The following PRKCZ variants were observed in gnomAD, a reference collection of about 807,000 sequenced individuals.
PRKCZ encodes protein kinase C zeta type.
A neutral mutation model predicts 79.5 loss-of-function variants in PRKCZ; 33 were observed. That is an observed-to-expected ratio of 0.41 (90% CI 0.31 to 0.55). PRKCZ has a LOEUF of 0.55. PRKCZ is among the 20% of genes least tolerant of loss of function. The pLI, the probability that PRKCZ is intolerant of heterozygous loss-of-function variation, is 0.19. For missense variants in PRKCZ, 578 were observed against 813.5 expected, an observed-to-expected ratio of 0.71 and a Z score of 3.52; for synonymous variants, 342 against 320.9, an observed-to-expected ratio of 1.07 and a Z score of -0.70.
chr1:2,151,038 C>G lies in PRKCZ; in HGVS notation c.876+60C>G. 3.8e-6 allele frequency: 6 copies of G among 1,577,874 alleles called. 1 individual carries two copies. In the Admixed American group the frequency reaches 1.1e-4, roughly 29 times the overall value. ...GGAACGCGCTGCCCTGGGGCCTCCT[C>G]CGGGCTTTAGCGGAATTAATCCATG... On this transcript the variant is annotated intron_variant, in intron 9 of 17. Transcript: ENST00000378567.
chr1:2,128,483 C>T lies in PRKCZ; in HGVS notation c.335-6779C>T, dbSNP rs886324690. Among the ~76,000 whole-genome samples the T allele has an allele frequency of 9.8e-5, 15 of 152,318 alleles. No homozygotes were observed. The highest frequency in any genetic ancestry group is 2.2e-4 in the African/African-American group (9 of 41,570). On this transcript the variant is annotated intron_variant, in intron 4 of 17. Coordinates refer to ENST00000378567, the MANE Select transcript of PRKCZ (RefSeq NM_002744.6). This position sits in a 1 kb window ranked among gnomAD's most constrained non-coding sequence, Gnocchi z 6.5. The stretch of plus-strand genomic sequence containing the variant: ...ACGTCTTGTCAGAGTGCTCAAGGCG[C>T]GAGATTGCCATGGAAACTGAGCTCC...
At position 2,108,850 on chromosome 1, in the gene PRKCZ, C is replaced by T. The variant is rs374853116; in HGVS notation, c.335-26412C>T. ...TGTTAGCTCAGCGGTCTGGAGGGTG[C>T]GAGTGCAGATGGAGCTCACTGGGCC... is the stretch of plus-strand genomic sequence containing the variant. On this transcript the variant is annotated intron_variant, in intron 4 of 17. Transcript: ENST00000378567. Among the ~76,000 whole-genome samples, 250 of 152,300 alleles carry T rather than the reference C, an allele frequency of 1.6e-3. 1 individual carries two copies. The highest frequency in any genetic ancestry group is 2.6e-3 in the Non-Finnish European group (175 of 68,016).
Position 2,127,375 on chromosome 1 carries a change from G to A in PRKCZ, c.335-7887G>A, listed in dbSNP as rs1297382793. On this transcript the variant is annotated intron_variant, in intron 4 of 17. Coordinates refer to ENST00000378567, the MANE Select transcript of PRKCZ (RefSeq NM_002744.6). The surrounding 1 kb of genome is among the most constrained non-coding windows in gnomAD (Gnocchi z 5.1). ...GCGATCCGGGCAGGTCCCTCAGATG[G>A]AGGGGCTGCACCTCCACTGCCCCCC... is the stretch of plus-strand genomic sequence containing the variant. Among the ~76,000 whole-genome samples the A allele has an allele frequency of 2.0e-5, 3 of 152,126 alleles. No individual in the cohort carries two copies. Among genetic ancestry groups the A allele is most frequent in the Admixed American group, 2.0e-4 (3 of 15,280 alleles).
Position 2,174,612 on chromosome 1 carries a change from A to G in PRKCZ, c.1406-142A>G. Reference sequence around the variant, plus strand: ...GACCCGGCGGGACTCCGGGTTATAGATATTGCTGGGCTGTAGGAAGGGAGG... The same window carrying G: ...GACCCGGCGGGACTCCGGGTTATAGGTATTGCTGGGCTGTAGGAAGGGAGG... On this transcript the variant is annotated intron_variant, in intron 14 of 17. Transcript: ENST00000378567. This position sits in a 1 kb window ranked among gnomAD's most constrained non-coding sequence, Gnocchi z 6.2. The G allele has an allele frequency of 1.3e-6, 1 of 751,624 alleles. No individual in the cohort carries two copies. Among genetic ancestry groups the G allele is most frequent in the Admixed American group, 2.4e-5 (1 of 41,716 alleles). The allele number at this position is 751,624 out of a possible 1,614,324, so 46.6% of individuals were successfully genotyped here.
At chr1:2,057,437 G>A (rs2102225366) in intron 3 of PRKCZ, among the ~76,000 whole-genome samples, 1 of 152,340 alleles carries the variant, frequency 6.6e-6, no homozygotes, top group Admixed American at 6.5e-5. Flanking sequence ...TCTGGCCATG[G>A]ACGATTGAGT....
intron 4 of PRKCZ, among the ~76,000 whole-genome samples, chr1:2,093,929 C>A (rs1384607715): frequency 1.3e-5 from 2 of 151,410 alleles, no homozygotes; most frequent in Non-Finnish European, 2.9e-5. Context: ...GCACTAAGGG[C>A]TGAGTGTGGG....
At chr1:2,121,744 C>T (rs74185849) in intron 4 of PRKCZ, among the ~76,000 whole-genome samples, 69 of 3,500 alleles carry the variant, frequency 0.02, 13 homozygotes, top group African/African-American at 0.031. Flanking sequence ...AGGGTCACGG[C>T]GGTGGTTAGG....
intron 9 of PRKCZ, among the ~76,000 whole-genome samples, chr1:2,152,320 G>T (rs1456344366): frequency 3.3e-5 from 5 of 152,094 alleles, no homozygotes; most frequent in Non-Finnish European, 5.9e-5. Context: ...ATTACCTGAG[G>T]TCAGGAGTTC....
intron 4 of PRKCZ, among the ~76,000 whole-genome samples, chr1:2,101,022 A>T (rs943827378): frequency 3.9e-5 from 3 of 76,348 alleles, no homozygotes; most frequent in African/African-American, 1.4e-4. Context: ...ATTTTGTTAA[A>T]AAAAAAAAAA....
intron 4 of PRKCZ, among the ~76,000 whole-genome samples, chr1:2,065,397 G>A (rs996243962): frequency 6.6e-6 from 1 of 152,012 alleles, no homozygotes; most frequent in African/African-American, 2.4e-5. Context: ...TGGTGTGATC[G>A]GCCGGGCGCG....
At chr1:2,064,056 A>T (rs1356474826) in intron 4 of PRKCZ, among the ~76,000 whole-genome samples, 3 of 152,084 alleles carry the variant, frequency 2.0e-5, no homozygotes, top group Admixed American at 6.5e-5. Context: ...CATCTTGGCC[A>T]GGTTAGTCTT....
At chr1:2,108,463 C>A (rs112312368) in intron 4 of PRKCZ, among the ~76,000 whole-genome samples, 13 of 152,196 alleles carry the variant, frequency 8.5e-5, no homozygotes, top group Non-Finnish European at 1.3e-4. Flanking sequence ...GGCTCCGAGG[C>A]GCCACCGCTG....
intron 3 of PRKCZ, among the ~76,000 whole-genome samples, chr1:2,057,017 C>G (rs138111892): frequency 1.3e-5 from 2 of 152,268 alleles, no homozygotes; most frequent in East Asian, 3.9e-4. Context: ...TGTGAGCCAC[C>G]GCGCCCGGCC....
Position 2,055,451 on chromosome 1 carries a change from A to G in PRKCZ, c.82A>G (p.Ile28Val). The G allele has an allele frequency of 1.9e-6, 3 of 1,612,858 alleles. No individual in the cohort carries two copies. Among genetic ancestry groups the G allele is most frequent in the Non-Finnish European group, 2.5e-6 (3 of 1,179,294 alleles). The change falls in exon 2 of 18, where the codon ATC (isoleucine) becomes GTC (valine). Residue 28 changes from isoleucine (I) to valine (V), a missense_variant. Around this residue, in one of 4 missense-constraint regions of PRKCZ, gnomAD observed 228 missense variants for 211.6 expected, o/e 1.08. Transcript: ENST00000378567. ...LKAHYGGDIF[I>V]TSVDAATTFE... ...TCCCCTCTGCCCCAGGGACATCTTC[A>G]TCACCAGCGTGGACGCCGCCACGAC...
rs553399792 is a variant in PRKCZ at position 2,125,146 on chromosome 1, CTTG to C, written c.335-10109_335-10107del. Among the ~76,000 whole-genome samples, 87 of 152,216 alleles carry C rather than the reference CTTG, an allele frequency of 5.7e-4. 2 individuals are homozygous for C. Among genetic ancestry groups the C allele is most frequent in the African/African-American group, 1.9e-3 (80 of 41,534 alleles). On this transcript the variant is annotated intron_variant, in intron 4 of 17. Transcript: ENST00000378567. This position sits in a 1 kb window ranked among gnomAD's most constrained non-coding sequence, Gnocchi z 4.2. The stretch of plus-strand genomic sequence containing the variant: ...AGCAGTGAGGAACTCGGAGCAGCTT[CTTG>C]TTGTTGGTGTTGATGTGTTTTGTTT...
At chr1:2,106,833 CCA>C (rs1668628160) in intron 4 of PRKCZ, among the ~76,000 whole-genome samples, 3 of 116,900 alleles carry the variant, frequency 2.6e-5, no homozygotes, top group Admixed American at 9.1e-5. Flanking sequence ...GCGAGGACCT[CCA>C]CACGTGTCAC....
At position 2,173,163 on chromosome 1, in the gene PRKCZ, AT is replaced by A. The variant is rs1481491932; in HGVS notation, c.1286-726del. ...GGTGTGCCTTCAGACATTTTTACAC[AT>A]TTTTTTTGCCATCAGAATGGGTGTG... On this transcript the variant is annotated intron_variant, in intron 13 of 17. Coordinates refer to ENST00000378567, the MANE Select transcript of PRKCZ (RefSeq NM_002744.6). This position sits in a 1 kb window ranked among gnomAD's most constrained non-coding sequence, Gnocchi z 5.7. Among the ~76,000 whole-genome samples, 3 of 151,872 alleles carry A rather than the reference AT, an allele frequency of 2.0e-5. No homozygotes were observed. Among genetic ancestry groups the A allele is most frequent in the South Asian group, 2.1e-4 (1 of 4,812 alleles).
intron 4 of PRKCZ, among the ~76,000 whole-genome samples, chr1:2,100,103 C>T (rs2102576209): frequency 6.6e-6 from 1 of 152,300 alleles, no homozygotes; most frequent in South Asian, 2.1e-4. Context: ...CATTAGGATT[C>T]CTATGAGGGC....
chr1:2,095,096 T>C (rs1046859717), intron 4 of PRKCZ, among the ~76,000 whole-genome samples: 2 of 152,182 alleles, frequency 1.3e-5, no homozygotes, highest in African/African-American at 4.8e-5. Flanking sequence ...CTGGGTTTGC[T>C]GGTCCCCTGG....
Sources: allele counts gnomAD v4.1 joint callset (sites outside exome capture counted in the v4.1 genomes callset), GRCh38; gene constraint gnomAD v4.1.1; regional missense constraint gnomAD v4.1.1; non-coding constraint Gnocchi (gnomAD v3.1); transcripts MANE v1.5; gene names NCBI Gene and HGNC (gene_info 2026-07-23, HGNC 2026-07-21).